The following NBEA variants were observed in gnomAD, a reference collection of about 807,000 sequenced individuals.
NBEA encodes the protein neurobeachin, also known as lysosomal-trafficking regulator 2.
A neutral mutation model predicts 343.4 loss-of-function variants in NBEA; 44 were observed. The observed-to-expected ratio is 0.13, with a 90% CI of 0.10 to 0.16. The LOEUF (loss-of-function observed/expected upper bound fraction) is 0.16, where lower values mean the gene tolerates loss of function less well. Among genes scored for constraint, NBEA ranks in the 10% least tolerant of loss-of-function variants. The pLI is 1.00. For synonymous variants in NBEA, 1,175 were observed against 1,238.7 expected, an observed-to-expected ratio of 0.95 and a Z score of 1.08; for missense variants, 2,555 against 3,631.3, an observed-to-expected ratio of 0.70 and a Z score of 7.62.
chr13:35,059,761 C>CAGAGAG (rs59580233), intron 8 of NBEA, among the ~76,000 whole-genome samples: 8 of 111,124 alleles, frequency 7.2e-5, no homozygotes, highest in African/African-American at 8.9e-5. Flanking sequence ...TATATATATA[C>CAGAGAG]AGAGAGAGAG....
At chr13:35,214,525 C>T (rs2152755899) in intron 33 of NBEA, among the ~76,000 whole-genome samples, 1 of 151,636 alleles carries the variant, frequency 6.6e-6, no homozygotes, top group South Asian at 2.1e-4. Flanking sequence ...GCTTATGGGC[C>T]ATTGAAATCC....
At chr13:34,972,171 T>G (rs1372081056) in intron 1 of NBEA, among the ~76,000 whole-genome samples, 1 of 152,166 alleles carries the variant, frequency 6.6e-6, no homozygotes, top group Non-Finnish European at 1.5e-5. Flanking sequence ...TGTGTTTCTG[T>G]GGAGTATTCC....
chr13:34,996,895 C>T (rs2060961751), intron 1 of NBEA, among the ~76,000 whole-genome samples: 1 of 152,046 alleles, frequency 6.6e-6, no homozygotes, highest in African/African-American at 2.4e-5. Context: ...TCTCATTGCT[C>T]CATGGTCACT....
intron 22 of NBEA, among the ~76,000 whole-genome samples, chr13:35,160,671 A>G (rs1000725525): frequency 6.6e-6 from 1 of 152,178 alleles, no homozygotes; most frequent in Non-Finnish European, 1.5e-5. Context: ...GAAATTTGTT[A>G]TAAGACAATT....
intron 56 of NBEA, among the ~76,000 whole-genome samples, chr13:35,666,479 G>C (rs116832808): frequency 6.6e-6 from 1 of 151,514 alleles, no homozygotes; most frequent in African/African-American, 2.4e-5. Context: ...TTCCTGCAGG[G>C]GCTGTGTGAT....
chr13:35,074,831 T>G (rs929944461), intron 10 of NBEA, among the ~76,000 whole-genome samples: 1 of 152,152 alleles, frequency 6.6e-6, no homozygotes, highest in African/African-American at 2.4e-5. Context: ...GGGAAGTGGC[T>G]AAAACGTACT....
At chr13:35,231,995 T>C (rs1199404733) in intron 33 of NBEA, among the ~76,000 whole-genome samples, 3 of 152,142 alleles carry the variant, frequency 2.0e-5, no homozygotes, top group African/African-American at 7.2e-5. Context: ...GAAAAGTAAA[T>C]AGGCTTATGA....
At chr13:34,956,863 C>G (rs2059509431) in intron 1 of NBEA, among the ~76,000 whole-genome samples, 1 of 152,132 alleles carries the variant, frequency 6.6e-6, no homozygotes, top group Admixed American at 6.5e-5. Flanking sequence ...ATAGTAACTT[C>G]CATTTCTCCT....
intron 49 of NBEA, among the ~76,000 whole-genome samples, chr13:35,633,626 T>C (rs2083565621): frequency 6.6e-6 from 1 of 152,004 alleles, no homozygotes; most frequent in African/African-American, 2.4e-5. Flanking sequence ...AGTCAGTCAC[T>C]TGAATTTTAT....
intron 1 of NBEA, among the ~76,000 whole-genome samples, chr13:34,984,294 A>G (rs929802690): frequency 1.1e-4 from 17 of 152,160 alleles, no homozygotes; most frequent in Non-Finnish European, 2.5e-4. Context: ...TTGTTTATTA[A>G]ATAGGGAATC....
At chr13:35,239,056 AAATTAC>A (rs1309461848) in intron 34 of NBEA, among the ~76,000 whole-genome samples, 2 of 152,166 alleles carry the variant, frequency 1.3e-5, no homozygotes, top group African/African-American at 4.8e-5. Context: ...TATTGTTTTT[AAATTAC>A]AATAATACAA....
chr13:35,189,414 C>T (rs548593656), intron 30 of NBEA, among the ~76,000 whole-genome samples: 3 of 152,010 alleles, frequency 2.0e-5, no homozygotes, highest in African/African-American at 7.2e-5. Flanking sequence ...AGCTGAGTTC[C>T]TTATATATTT....
At chr13:35,234,923 G>A (rs1340727025) in intron 34 of NBEA, among the ~76,000 whole-genome samples, 2 of 152,118 alleles carry the variant, frequency 1.3e-5, no homozygotes, top group Non-Finnish European at 2.9e-5. Context: ...GCAAACATTT[G>A]AGGTGAAAAT....
At chr13:34,952,627 A>T (rs1376587039) in intron 1 of NBEA, among the ~76,000 whole-genome samples, 2 of 152,108 alleles carry the variant, frequency 1.3e-5, no homozygotes, top group African/African-American at 4.8e-5. Flanking sequence ...TTATAGAAGG[A>T]ATTATACTAG....
intron 1 of NBEA, among the ~76,000 whole-genome samples, chr13:35,022,965 T>A (rs2061899600): frequency 6.6e-6 from 1 of 152,178 alleles, no homozygotes; most frequent in African/African-American, 2.4e-5. Flanking sequence ...TTTTAGAAAT[T>A]AATAACTCAA....
At chr13:35,395,064 T>A (rs1022064455) in intron 38 of NBEA, among the ~76,000 whole-genome samples, 2 of 152,174 alleles carry the variant, frequency 1.3e-5, no homozygotes, top group Non-Finnish European at 2.9e-5. Flanking sequence ...TTCATAGAGA[T>A]CTTGTTATTG....
rs146826628 is a variant in NBEA, at chr13:35,250,916, A to C, written c.5776+18297A>C. Among the ~76,000 whole-genome samples, 182 of 152,330 alleles carry C rather than the reference A, an allele frequency of 1.2e-3. 1 individual carries two copies. The highest frequency in any genetic ancestry group is 4.8e-3 in the Admixed American group (74 of 15,300). Reference sequence around the variant, plus strand: ...CACATTCATAAGTGATAAAAATATAAATGCCAATCAAGATGATAAATTTAC... The same window carrying C: ...CACATTCATAAGTGATAAAAATATACATGCCAATCAAGATGATAAATTTAC... On this transcript the variant is annotated intron_variant, in intron 34 of 58. Coordinates refer to ENST00000379939, the MANE Select transcript of NBEA (RefSeq NM_001385012.1).
chr13:35,526,179 G>GTTA (rs1465127371), intron 41 of NBEA, among the ~76,000 whole-genome samples: 1 of 152,100 alleles, frequency 6.6e-6, no homozygotes, highest in Non-Finnish European at 1.5e-5. Context: ...TATGTATATA[G>GTTA]TTATATATTA....
intron 33 of NBEA, among the ~76,000 whole-genome samples, chr13:35,212,611 G>C (rs2073845380): frequency 2.6e-5 from 4 of 152,052 alleles, no homozygotes; most frequent in African/African-American, 9.7e-5. Flanking sequence ...ATGCAAAATG[G>C]TTTGCAAAAG....
Sources: gnomAD v4.1 joint callset for allele counts (sites outside exome capture counted in the v4.1 genomes callset) on GRCh38, gnomAD v4.1.1 for gene constraint, MANE v1.5 for transcripts, NCBI Gene and HGNC (gene_info 2026-07-23, HGNC 2026-07-21) for gene names.